The following FAM234B variants were observed in gnomAD, a reference collection of about 807,000 sequenced individuals.
FAM234B encodes family with sequence similarity 234 member B, also known as protein FAM234B.
FAM234B carries 33 observed loss-of-function variants against 69.3 expected under a neutral mutation model. The observed-to-expected ratio is 0.48, with a 90% CI of 0.36 to 0.64. The LOEUF (loss-of-function observed/expected upper bound fraction) is 0.64, where lower values mean the gene tolerates loss of function less well. FAM234B is among the 30% of genes least tolerant of loss of function. FAM234B has a pLI of 0.00. For missense variants in FAM234B, 697 were observed against 769.7 expected, an observed-to-expected ratio of 0.91 and a Z score of 1.12; for synonymous variants, 306 against 306.9, an observed-to-expected ratio of 1.00 and a Z score of 0.03.
At chr12:13,068,747 G>T in intron 9 of FAM234B, 36 bp downstream of exon 9, 1 of 1,380,166 alleles carries the variant, frequency 7.2e-7, no homozygotes, top group Non-Finnish European at 1.0e-6. Context: ...CAAAGCATAT[G>T]TAAAGTATAT....
In FAM234B at chr12:13,080,607, A is replaced by T. The variant is rs746904865; in HGVS notation, c.1864-18A>T. The T allele has an allele frequency of 6.2e-7, 1 of 1,600,912 alleles. No homozygotes were observed. The highest frequency in any genetic ancestry group is 1.3e-5 in the African/African-American group (1 of 74,672). The stretch of plus-strand genomic sequence containing the variant: ...TACCATGAAAAACAATAAAGTCACG[A>T]TAACTCTTTTTCCATAGATCTAATC... On this transcript the variant is annotated intron_variant, in intron 12 of 12. Coordinates refer to ENST00000197268, the MANE Select transcript of FAM234B (RefSeq NM_020853.2).
chr12:13,048,299 C>T (rs971202200), intron 1 of FAM234B, among the ~76,000 whole-genome samples: 10 of 152,166 alleles, frequency 6.6e-5, no homozygotes, highest in Non-Finnish European at 1.5e-4. Context: ...TCATTAGTGA[C>T]TTGATTCTTT....
In FAM234B at chr12:13,062,854, T is replaced by C; in HGVS notation, c.731T>C (p.Ile244Thr). Residue 244 changes from isoleucine to threonine, a missense_variant, in exon 5 of 13, where the codon ATT becomes ACT. Coordinates refer to ENST00000197268, the MANE Select transcript of FAM234B (RefSeq NM_020853.2). ...SAFNATSGKA[I>T]WTLNPNYLSN... ...ATGTGTCCTTCCTCAGGGAAAGCCATTTGGACTTTAAACCCAAACTACTTG... is the reference window on the plus strand; with the variant it reads ...ATGTGTCCTTCCTCAGGGAAAGCCACTTGGACTTTAAACCCAAACTACTTG... The C allele has an allele frequency of 1.9e-6, 3 of 1,613,890 alleles. No homozygotes were observed. Among genetic ancestry groups the C allele is most frequent in the Non-Finnish European group, 2.5e-6 (3 of 1,179,846 alleles).
Position 13,055,939 on chromosome 12 carries a change from C to A in FAM234B, c.426C>A (p.Ser142=). ...GCACCTGGAGCCGCCACTTGGGCTC[C>A]CAGGGAGGTGAGCTGCAGAATCTTC... The part of the protein sequence containing the change: ...LHSTWSRHLG[S]QGGGDLSPLE... The change falls in exon 2 of 13, where the codon TCC becomes TCA. Residue 142 remains serine (S), a synonymous_variant. Transcript: ENST00000197268. 6.4e-7 allele frequency: 1 copy of A among 1,558,726 alleles called. No homozygotes were observed. Among genetic ancestry groups the A allele is most frequent in the South Asian group, 1.2e-5 (1 of 82,302 alleles).
At chr12:13,058,719 A>T (rs1169389856) in intron 3 of FAM234B, among the ~76,000 whole-genome samples, 170 bp downstream of exon 3, 2 of 152,150 alleles carry the variant, frequency 1.3e-5, no homozygotes, top group Admixed American at 1.3e-4. Context: ...CATATAAATA[A>T]AGCTCAGTCT....
chr12:13,081,133 T>C lies in FAM234B; in HGVS notation c.*503T>C, dbSNP rs1160713417. On this transcript the variant is annotated 3_prime_UTR_variant, in exon 13 of 13. Coordinates refer to ENST00000197268, the MANE Select transcript of FAM234B (RefSeq NM_020853.2). ...ACTTCCAGATGCCCTACCTCTGATG[T>C]TGAGGGCCACTTATTTCTCTCCTTA... The C allele has an allele frequency of 6.5e-6, 1 of 152,678 alleles. No individual in the cohort carries two copies. The highest frequency in any genetic ancestry group is 2.4e-5 in the African/African-American group (1 of 41,466). The allele number at this position is 152,678 out of a possible 1,614,324, so 9.5% of individuals were successfully genotyped here. A position where few individuals can be genotyped will look rare whatever the true frequency, so the allele number is the denominator to read the frequency against.
rs1865235584 is a variant in FAM234B at position 13,081,954 on chromosome 12, T to C, written c.*1324T>C. 1.4e-5 allele frequency: 2 copies of C among 139,340 alleles called. No individual in the cohort carries two copies. The highest frequency in any genetic ancestry group is 3.1e-5 in the Non-Finnish European group (2 of 64,920). The allele number at this position is 139,340 out of a possible 1,614,324, so 8.6% of individuals were successfully genotyped here. A position where few individuals can be genotyped will look rare whatever the true frequency, so the allele number is the denominator to read the frequency against. ...CTCTTTACCTGGGCTTGTATCTTTT[T>C]TTTTTTTTTTTTTTTTTTTTTGAGA... On this transcript the variant is annotated 3_prime_UTR_variant, in exon 13 of 13. Transcript: ENST00000197268.
intron 11 of FAM234B, among the ~76,000 whole-genome samples, chr12:13,076,942 T>G (rs1057164592): frequency 6.6e-6 from 1 of 152,230 alleles, no homozygotes; most frequent in Non-Finnish European, 1.5e-5. Flanking sequence ...ATCTCCTTTC[T>G]TTCTTTCCAC....
intron 11 of FAM234B, among the ~76,000 whole-genome samples, chr12:13,077,240 CTTGTA>C (rs1380238466): frequency 5.9e-5 from 9 of 151,848 alleles, no homozygotes; most frequent in Non-Finnish European, 1.2e-4. Flanking sequence ...TTTATTACAA[CTTGTA>C]TTTTATTTTA....
At chr12:13,050,551 G>A (rs1864864685) in intron 1 of FAM234B, among the ~76,000 whole-genome samples, 1 of 152,098 alleles carries the variant, frequency 6.6e-6, no homozygotes, top group Admixed American at 6.6e-5. Flanking sequence ...GCAATTACTG[G>A]TTTGGCTATA....
In FAM234B at chr12:13,044,540, C is replaced by A; in HGVS notation, c.37+100C>A. The A allele has an allele frequency of 7.6e-7, 1 of 1,323,888 alleles. No individual in the cohort carries two copies. The highest frequency in any genetic ancestry group is 1.1e-6 in the Non-Finnish European group (1 of 950,090). 82.0% of individuals were successfully genotyped at this position (1,323,888 alleles called of 1,614,324 possible). A position where few individuals can be genotyped will look rare whatever the true frequency, so the allele number is the denominator to read the frequency against. On this transcript the variant is annotated intron_variant, in intron 1 of 12. Coordinates refer to ENST00000197268, the MANE Select transcript of FAM234B (RefSeq NM_020853.2). This position sits in a 1 kb window ranked among gnomAD's most constrained non-coding sequence, Gnocchi z 5.6. Reference sequence around the variant, plus strand: ...AGGCCGGTCGGGCCCTGGCCTCAACCCAGACTCAGCTGCAGGCGCCCGGTG... The same window carrying A: ...AGGCCGGTCGGGCCCTGGCCTCAACACAGACTCAGCTGCAGGCGCCCGGTG...
rs981399082 is a variant in FAM234B at position 13,080,892 on chromosome 12, C to G, written c.*262C>G. On this transcript the variant is annotated 3_prime_UTR_variant, in exon 13 of 13. Transcript: ENST00000197268. ...GCGTGGATCGTTTGGAAATGTGAATCTCTTAAGTATTTAATTTTTTTGGTA... is the reference window on the plus strand; with the variant it reads ...GCGTGGATCGTTTGGAAATGTGAATGTCTTAAGTATTTAATTTTTTTGGTA... 2 of 396,448 alleles carry G rather than the reference C, an allele frequency of 5.0e-6. No individual in the cohort carries two copies. The highest frequency in any genetic ancestry group is 4.1e-5 in the African/African-American group (2 of 48,392). The allele number at this position is 396,448 out of a possible 1,614,324, so 24.6% of individuals were successfully genotyped here. A position where few individuals can be genotyped will look rare whatever the true frequency, so the allele number is the denominator to read the frequency against.
At position 13,068,312 on chromosome 12, in the gene FAM234B, T is replaced by G; in HGVS notation, c.1151T>G (p.Val384Gly). The G allele has an allele frequency of 6.2e-7, 1 of 1,614,166 alleles. No homozygotes were observed. The highest frequency in any genetic ancestry group is 1.1e-5 in the South Asian group (1 of 91,080). Residue 384 changes from valine (V) to glycine (G), a missense_variant, in exon 8 of 13, where the codon GTT becomes GGT. Coordinates refer to ENST00000197268, the MANE Select transcript of FAM234B (RefSeq NM_020853.2). ...GGTCTTATTTAACCCAGTGATGGTG[T>G]TGAACTACTCCAGATGGTGAAGGCA... ...SELIDVYSDGVELLQMVKAPD... is the reference protein window; with the variant it reads ...SELIDVYSDGGELLQMVKAPD...
chr12:13,079,758 G>A, intron 11 of FAM234B, 31 bp from the exon 12 acceptor site: 1 of 1,437,172 alleles, frequency 7.0e-7, no homozygotes, highest in Non-Finnish European at 9.8e-7. Flanking sequence ...ATGTGTCCAT[G>A]TTAACTGCTC....
chr12:13,046,837 A>C (rs542433282), intron 1 of FAM234B, among the ~76,000 whole-genome samples: 1 of 152,344 alleles, frequency 6.6e-6, no homozygotes, highest in African/African-American at 2.4e-5. Context: ...CTCGGGTTCA[A>C]ATCCAGTCTT....
intron 3 of FAM234B, among the ~76,000 whole-genome samples, chr12:13,061,371 G>A (rs1192466780): frequency 1.3e-5 from 2 of 152,152 alleles, no homozygotes; most frequent in East Asian, 1.9e-4. Flanking sequence ...CACAGCTCTT[G>A]TCTTACATGA....
chr12:13,046,737 G>A (rs1367108121), intron 1 of FAM234B, among the ~76,000 whole-genome samples: 1 of 152,140 alleles, frequency 6.6e-6, no homozygotes, highest in Non-Finnish European at 1.5e-5. Context: ...GGGATTACAG[G>A]CATGAGCCAC....
At chr12:13,052,092 C>A (rs1448844666) in intron 1 of FAM234B, among the ~76,000 whole-genome samples, 2 of 152,234 alleles carry the variant, frequency 1.3e-5, no homozygotes, top group East Asian at 3.9e-4. Flanking sequence ...TATCATATGT[C>A]TCTTATGATT....
At position 13,044,455 on chromosome 12, in the gene FAM234B, G is replaced by A. The variant is rs561000521; in HGVS notation, c.37+15G>A. 8.4e-6 allele frequency: 13 copies of A among 1,550,798 alleles called. No homozygotes were observed. Among genetic ancestry groups the A allele is most frequent in the Admixed American group, 7.8e-5 (4 of 51,078 alleles). Reference sequence around the variant, plus strand: ...CAAGCTGCCGGGTAAGGAGTCGCATGCTTGCGACCACCCAGTCCCCGCCGG... The same window carrying A: ...CAAGCTGCCGGGTAAGGAGTCGCATACTTGCGACCACCCAGTCCCCGCCGG... On this transcript the variant is annotated intron_variant, in intron 1 of 12. Coordinates refer to ENST00000197268, the MANE Select transcript of FAM234B (RefSeq NM_020853.2). This position sits in a 1 kb window ranked among gnomAD's most constrained non-coding sequence, Gnocchi z 5.6.
Sources: allele counts gnomAD v4.1 joint callset (sites outside exome capture counted in the v4.1 genomes callset), GRCh38; gene constraint gnomAD v4.1.1; non-coding constraint Gnocchi (gnomAD v3.1); transcripts MANE v1.5; gene names NCBI Gene and HGNC (gene_info 2026-07-23, HGNC 2026-07-21).